Variants in DGKH observed in about 807,000 individuals in gnomAD.
DGKH encodes the protein diacylglycerol kinase eta, also known as DAG kinase eta.
Under a neutral mutation model 159.3 loss-of-function variants are expected in DGKH, and 90 were observed. The ratio of observed to expected loss-of-function variants is 0.57; its 90% CI spans 0.48 to 0.67. The LOEUF (loss-of-function observed/expected upper bound fraction) is 0.67, where lower values mean the gene tolerates loss of function less well. DGKH is among the 30% of genes least tolerant of loss of function. The pLI, the probability that DGKH is intolerant of heterozygous loss-of-function variation, is 0.00. For missense variants in DGKH, 1,181 were observed against 1,506.1 expected (o/e 0.78, Z 3.57); for synonymous variants, 536 against 553.8 (o/e 0.97, Z 0.45).
intron 3 of DGKH, among the ~76,000 whole-genome samples, chr13:42,139,011 A>T (rs778083035): frequency 3.3e-5 from 5 of 152,120 alleles, no homozygotes; most frequent in Non-Finnish European, 7.4e-5. Context: ...TTAGAAATGA[A>T]ATATCTTATC....
intron 1 of DGKH, among the ~76,000 whole-genome samples, chr13:42,087,084 C>CA (rs398038514): frequency 2.1e-5 from 3 of 145,490 alleles, no homozygotes; most frequent in African/African-American, 7.7e-5. Context: ...CACACACACA[C>CA]CTCAGAACAG....
rs756215572 is a variant in DGKH at position 42,165,437 on chromosome 13, T to G, written c.958+4T>G. The G allele has an allele frequency of 6.6e-6, 10 of 1,509,282 alleles. No homozygotes were observed. In the African/African-American group the frequency reaches 1.4e-4, roughly 21 times the overall value. 93.5% of individuals were successfully genotyped at this position (1,509,282 alleles called of 1,614,324 possible). A position where few individuals can be genotyped will look rare whatever the true frequency, so the allele number is the denominator to read the frequency against. On this transcript the variant is annotated splice_donor_region_variant and intron_variant, in intron 8 of 29. Transcript: ENST00000337343. ...CTAAACAGCACCGATTCCGATGGTA[T>G]GTAGCAGTAGTGTAAGTACGTATAT...
At chr13:42,250,934 C>G (rs1226718253) in intron 29 of DGKH, among the ~76,000 whole-genome samples, 1 of 152,062 alleles carries the variant, frequency 6.6e-6, no homozygotes, top group Admixed American at 6.5e-5. Flanking sequence ...TAAAGCATAT[C>G]GGCTGATTTG....
At chr13:42,182,919 A>C (rs1333280386) in intron 13 of DGKH, among the ~76,000 whole-genome samples, 1 of 152,068 alleles carries the variant, frequency 6.6e-6, no homozygotes, top group Non-Finnish European at 1.5e-5. Context: ...AAAAAAAAAA[A>C]AAACCACACA....
At chr13:42,227,781 A>G (rs1958171803) in intron 29 of DGKH, among the ~76,000 whole-genome samples, 2 of 152,228 alleles carry the variant, frequency 1.3e-5, no homozygotes, top group South Asian at 4.1e-4. Flanking sequence ...TTACTGCTAA[A>G]GAACTCCAAG....
chr13:42,198,768 TC>T (rs1350624693), intron 18 of DGKH, among the ~76,000 whole-genome samples, 173 bp downstream of exon 18: 7 of 152,104 alleles, frequency 4.6e-5, no homozygotes, highest in Admixed American at 1.3e-4. Flanking sequence ...CTTTTAAAAT[TC>T]AGTGGTCTCC....
intron 12 of DGKH, among the ~76,000 whole-genome samples, chr13:42,176,565 A>G (rs182594288): frequency 2.0e-5 from 3 of 152,262 alleles, no homozygotes; most frequent in Admixed American, 1.3e-4. Context: ...AGAGTAACAT[A>G]CTTTTGAAAG....
intron 1 of DGKH, chr13:42,070,844 G>A (rs555647285): frequency 2.3e-6 from 3 of 1,322,042 alleles, no homozygotes; most frequent in East Asian, 2.3e-5. Flanking sequence ...CTGGGACCAG[G>A]AATTTCAAAC....
At chr13:42,248,621 A>G (rs2138336802) in intron 29 of DGKH, among the ~76,000 whole-genome samples, 1 of 147,692 alleles carries the variant, frequency 6.8e-6, no homozygotes, top group African/African-American at 2.5e-5. Context: ...AATACATAAT[A>G]TATATTATTT....
chr13:42,229,232 A>C lies in DGKH; in HGVS notation c.*44A>C. 1 of 1,556,284 alleles carries C rather than the reference A, an allele frequency of 6.4e-7. No individual in the cohort carries two copies. The highest frequency in any genetic ancestry group is 8.8e-7 in the Non-Finnish European group (1 of 1,140,808). On this transcript the variant is annotated 3_prime_UTR_variant, in exon 30 of 30. Transcript: ENST00000337343. ...TTGGAAGAGAAGTTATTGCCACTTA[A>C]TACAAAGTCCTTGGAAGCAAGTGGC... is the stretch of plus-strand genomic sequence containing the variant.
intron 25 of DGKH, 37 bp downstream of exon 25, chr13:42,214,649 C>A (rs769056627): frequency 3.1e-6 from 5 of 1,597,868 alleles, no homozygotes; most frequent in African/African-American, 1.3e-5. Context: ...TCCACAGATT[C>A]TTTTGGGTGT....
intron 1 of DGKH, among the ~76,000 whole-genome samples, chr13:42,043,087 G>A (rs1485960404): frequency 1.3e-5 from 2 of 152,046 alleles, no homozygotes; most frequent in Middle Eastern, 6.3e-3. Context: ...ACCTTTTTTG[G>A]GGTCAGCAAT....
chr13:42,076,437 C>G (rs1370484223), intron 1 of DGKH, among the ~76,000 whole-genome samples: 1 of 151,994 alleles, frequency 6.6e-6, no homozygotes. Flanking sequence ...TGGATAATGG[C>G]CAATTGAAGA....
At chr13:42,210,822 G>GT (rs1265436405) in intron 24 of DGKH, 57 bp downstream of exon 24, 98 of 1,543,696 alleles carry the variant, frequency 6.3e-5, no homozygotes, top group African/African-American at 1.2e-4. Flanking sequence ...GCCAATTTTT[G>GT]TTTTTTTAAT....
intron 11 of DGKH, among the ~76,000 whole-genome samples, chr13:42,172,192 C>T (rs763342042): frequency 1.3e-5 from 2 of 151,262 alleles, no homozygotes; most frequent in Non-Finnish European, 2.9e-5. Context: ...AATCTCGGCT[C>T]ACTGTAACCT....
intron 3 of DGKH, among the ~76,000 whole-genome samples, chr13:42,147,554 G>A (rs751319087): frequency 1.3e-4 from 20 of 152,252 alleles, no homozygotes; most frequent in Non-Finnish European, 2.5e-4. Context: ...GCCATTTACC[G>A]TTATAAACTA....
At chr13:42,091,887 C>T (rs2137748773) in intron 1 of DGKH, among the ~76,000 whole-genome samples, 1 of 152,278 alleles carries the variant, frequency 6.6e-6, no homozygotes, top group East Asian at 1.9e-4. Context: ...CATTTTACAC[C>T]TGTTAGAATG....
intron 1 of DGKH, among the ~76,000 whole-genome samples, chr13:42,087,538 G>A (rs1345601244): frequency 2.0e-5 from 3 of 152,032 alleles, no homozygotes; most frequent in African/African-American, 4.8e-5. Context: ...AGTATACTTC[G>A]TTTGTTCAAG....
rs553040152 is a variant in DGKH at position 42,190,247 on chromosome 13, C to T, written c.1913-156C>T. On this transcript the variant is annotated intron_variant, in intron 15 of 29. Coordinates refer to ENST00000337343, the MANE Select transcript of DGKH (RefSeq NM_178009.5). ...CTTTAGTTTTTGATCTTTAGTTCTT[C>T]GGACATCAACCCCAAGTTCATTGCT... Among the ~76,000 whole-genome samples the T allele has an allele frequency of 9.2e-5, 14 of 152,210 alleles. No individual in the cohort carries two copies. In the South Asian group the frequency reaches 2.7e-3, roughly 29 times the overall value.
Sources: allele counts gnomAD v4.1 joint callset (sites outside exome capture counted in the v4.1 genomes callset), GRCh38; gene constraint gnomAD v4.1.1; transcripts MANE v1.5; gene names NCBI Gene and HGNC (gene_info 2026-07-23, HGNC 2026-07-21).